The following IPMK variants were observed in gnomAD, a reference collection of about 807,000 sequenced individuals.
IPMK encodes the protein inositol polyphosphate multikinase.
Under a neutral mutation model 45.8 loss-of-function variants are expected in IPMK, and 17 were observed. The observed-to-expected ratio is 0.37, with a 90% CI of 0.25 to 0.56. The LOEUF (loss-of-function observed/expected upper bound fraction) is 0.56, where lower values mean the gene tolerates loss of function less well. Ranked by LOEUF, IPMK falls within the 20% of genes least tolerant of loss-of-function variation. The probability of loss-of-function intolerance (pLI) is 0.79; values close to 1 mark genes in which losing one functional copy is unlikely to be tolerated. For synonymous variants in IPMK, 180 were observed against 184.3 expected (o/e 0.98, Z 0.19); for missense variants, 399 against 498.0 (o/e 0.80, Z 1.89).
intron 1 of IPMK, among the ~76,000 whole-genome samples, chr10:58,243,515 A>G (rs1431399638): frequency 6.6e-6 from 1 of 152,076 alleles, no homozygotes; most frequent in Non-Finnish European, 1.5e-5. Flanking sequence ...GATTCCAGGC[A>G]CGTGCCGCCA....
intron 1 of IPMK, among the ~76,000 whole-genome samples, chr10:58,260,506 T>C (rs138703092): frequency 4.6e-5 from 7 of 152,350 alleles, no homozygotes; most frequent in Admixed American, 6.5e-5. Context: ...GTCTAAAATT[T>C]ATTCTTAAAT....
At chr10:58,258,800 G>GA (rs1839012808) in intron 1 of IPMK, among the ~76,000 whole-genome samples, 1 of 151,932 alleles carries the variant, frequency 6.6e-6, no homozygotes, top group East Asian at 1.9e-4. Flanking sequence ...TAAGATGTCA[G>GA]AAAAAAGAAC....
At chr10:58,222,027 G>A (rs1564531981) in intron 3 of IPMK, among the ~76,000 whole-genome samples, 1 of 152,100 alleles carries the variant, frequency 6.6e-6, no homozygotes, top group Non-Finnish European at 1.5e-5. Context: ...GGGATTACAG[G>A]CATTAGCCAC....
chr10:58,219,564 C>T (rs192113710), intron 3 of IPMK, among the ~76,000 whole-genome samples: 2 of 152,336 alleles, frequency 1.3e-5, no homozygotes, highest in East Asian at 3.9e-4. Flanking sequence ...CAGGCAGCCT[C>T]ACTTACAAAG....
rs776881750 is a variant in IPMK at position 58,196,462 on chromosome 10, G to A, written c.865C>T (p.Leu289=). The A allele has an allele frequency of 1.9e-6, 3 of 1,614,084 alleles. No homozygotes were observed. The highest frequency in any genetic ancestry group is 2.5e-6 in the Non-Finnish European group (3 of 1,179,994). ...SKGQLSDTEV[L]EYNNNFHVLS... ...ACATGAAAGTTATTATTGTACTCTA[G>A]TACTTCTGTGTCTGACAGTTGTCCT... The change falls in exon 6 of 6, where the codon CTA becomes TTA. Residue 289 remains leucine, a synonymous_variant. Coordinates refer to ENST00000373935, the MANE Select transcript of IPMK (RefSeq NM_152230.5).
chr10:58,195,794 G>T lies in IPMK; in HGVS notation c.*282C>A. The T allele has an allele frequency of 3.3e-6, 1 of 303,358 alleles. No individual in the cohort carries two copies. The highest frequency in any genetic ancestry group is 6.1e-6 in the Non-Finnish European group (1 of 164,376). 18.8% of individuals were successfully genotyped at this position (303,358 alleles called of 1,614,324 possible). On this transcript the variant is annotated 3_prime_UTR_variant, in exon 6 of 6. Coordinates refer to ENST00000373935, the MANE Select transcript of IPMK (RefSeq NM_152230.5). Reference sequence around the variant, plus strand: ...CTAAACTCTTAATGACTGAATAATGGTTTGCATTTTGCTTGAGCCAAAAAA... The same window carrying T: ...CTAAACTCTTAATGACTGAATAATGTTTTGCATTTTGCTTGAGCCAAAAAA...
In IPMK at chr10:58,193,069, C is replaced by T. The variant is rs763871436; in HGVS notation, c.*3007G>A. 2 of 151,922 alleles carry T rather than the reference C, an allele frequency of 1.3e-5. No individual in the cohort carries two copies. Among genetic ancestry groups the T allele is most frequent in the African/African-American group, 2.4e-5 (1 of 41,428 alleles). 9.4% of individuals were successfully genotyped at this position (151,922 alleles called of 1,614,324 possible). ...AAACAGAATTCTTTCGTTGTTCTATCGTTTTCTTTCATCCTACATCTTCTA... is the reference window on the plus strand; with the variant it reads ...AAACAGAATTCTTTCGTTGTTCTATTGTTTTCTTTCATCCTACATCTTCTA... On this transcript the variant is annotated 3_prime_UTR_variant, in exon 6 of 6. Coordinates refer to ENST00000373935, the MANE Select transcript of IPMK (RefSeq NM_152230.5).
intron 1 of IPMK, among the ~76,000 whole-genome samples, chr10:58,260,658 C>CA (rs918331680): frequency 2.7e-5 from 4 of 149,210 alleles, no homozygotes; most frequent in Non-Finnish European, 4.5e-5. Context: ...AAATTTTTTT[C>CA]AAAAAAAAAC....
chr10:58,254,823 C>T (rs1338289907), intron 1 of IPMK, among the ~76,000 whole-genome samples: 1 of 152,194 alleles, frequency 6.6e-6, no homozygotes, highest in Non-Finnish European at 1.5e-5. Flanking sequence ...GTCATTGTTT[C>T]CTGTTCTGGG....
chr10:58,262,807 A>T (rs1008264843), intron 1 of IPMK, among the ~76,000 whole-genome samples: 3 of 152,252 alleles, frequency 2.0e-5, no homozygotes, highest in African/African-American at 7.2e-5. Flanking sequence ...GTAATGATAC[A>T]TGTTATCAAA....
At chr10:58,230,069 CTG>C (rs1406237268) in intron 2 of IPMK, among the ~76,000 whole-genome samples, 3 of 152,162 alleles carry the variant, frequency 2.0e-5, no homozygotes, top group Non-Finnish European at 4.4e-5. Flanking sequence ...GCGCAGCAGT[CTG>C]AGATCGAACT....
At position 58,196,661 on chromosome 10, in the gene IPMK, T is replaced by C; in HGVS notation, c.666A>G (p.Arg222=). 6.2e-7 allele frequency: 1 copy of C among 1,610,594 alleles called. No individual in the cohort carries two copies. The highest frequency in any genetic ancestry group is 1.1e-5 in the South Asian group (1 of 90,364). ...SRFFHNGYCL[R]KDAVAASIQK... is the part of the protein sequence containing the mutation. Reference sequence around the variant, plus strand: ...GAATACTGGCAGCAACAGCATCTTTTCTTAAGCAGTACCCATTATGAAAAA... The same window carrying C: ...GAATACTGGCAGCAACAGCATCTTTCCTTAAGCAGTACCCATTATGAAAAA... The change falls in exon 6 of 6, where the codon AGA becomes AGG. Residue 222 remains arginine, a synonymous_variant. Transcript: ENST00000373935.
chr10:58,252,998 C>A (rs999066181), intron 1 of IPMK, among the ~76,000 whole-genome samples: 15 of 152,176 alleles, frequency 9.9e-5, no homozygotes, highest in Admixed American at 6.5e-4. Flanking sequence ...CTCTAGCAGT[C>A]TGACATGGTT....
intron 1 of IPMK, among the ~76,000 whole-genome samples, chr10:58,249,477 CT>C (rs1838851582): frequency 6.6e-6 from 1 of 151,796 alleles, no homozygotes; most frequent in South Asian, 2.1e-4. Context: ...ATGTTGAGCA[CT>C]TTTTCATACC....
intron 2 of IPMK, among the ~76,000 whole-genome samples, chr10:58,228,250 A>G (rs72795664): frequency 0.067 from 10,147 of 152,210 alleles, 413 homozygotes; most frequent in Non-Finnish European, 0.089. Flanking sequence ...GATCTAAAGA[A>G]CTCCATGCTA....
At chr10:58,264,027 A>G (rs1839113243) in intron 1 of IPMK, among the ~76,000 whole-genome samples, 1 of 152,248 alleles carries the variant, frequency 6.6e-6, no homozygotes, top group African/African-American at 2.4e-5. Context: ...AAATGTGATA[A>G]AAGACATTAC....
chr10:58,199,750 T>C (rs1216413549), intron 4 of IPMK, among the ~76,000 whole-genome samples: 1 of 152,188 alleles, frequency 6.6e-6, no homozygotes, highest in Non-Finnish European at 1.5e-5. Flanking sequence ...AGAGGTATAA[T>C]AATTTGGAAA....
Position 58,193,256 on chromosome 10 carries a change from A to T in IPMK, c.*2820T>A, listed in dbSNP as rs1202218305. The T allele has an allele frequency of 1.3e-5, 2 of 151,896 alleles. No individual in the cohort carries two copies. Among genetic ancestry groups the T allele is most frequent in the Non-Finnish European group, 2.9e-5 (2 of 67,814 alleles). 9.4% of individuals were successfully genotyped at this position (151,896 alleles called of 1,614,324 possible). On this transcript the variant is annotated 3_prime_UTR_variant, in exon 6 of 6. Transcript: ENST00000373935. ...TCATCTTGGAAATCATAAAATACTA[A>T]ATTATGCTCAATCAAAATACAGACG...
chr10:58,193,646 TAAGA>T lies in IPMK; in HGVS notation c.*2426_*2429del, dbSNP rs1837847950. ...GTCCTTTTTAAATGAGTGTATTCCA[TAAGA>T]AATACACTAAAATCATTACTTATGT... On this transcript the variant is annotated 3_prime_UTR_variant, in exon 6 of 6. Transcript: ENST00000373935. The T allele has an allele frequency of 6.6e-6, 1 of 151,770 alleles. No individual in the cohort carries two copies. Among genetic ancestry groups the T allele is most frequent in the African/African-American group, 2.4e-5 (1 of 41,404 alleles). 9.4% of individuals were successfully genotyped at this position (151,770 alleles called of 1,614,324 possible). A position where few individuals can be genotyped will look rare whatever the true frequency, so the allele number is the denominator to read the frequency against.
Sources: allele counts gnomAD v4.1 joint callset (sites outside exome capture counted in the v4.1 genomes callset), GRCh38; gene constraint gnomAD v4.1.1; transcripts MANE v1.5; gene names NCBI Gene and HGNC (gene_info 2026-07-23, HGNC 2026-07-21).